DDX42: variants seen among roughly 807,000 people sequenced by gnomAD.
DDX42 encodes ATP-dependent RNA helicase DDX42.
In DDX42, 22 loss-of-function variants were observed where a neutral mutation model predicts 101.5. The observed-to-expected ratio is 0.22, with a 90% CI of 0.15 to 0.31. The LOEUF is 0.31. Ranked by LOEUF, DDX42 falls within the 10% of genes least tolerant of loss-of-function variation. DDX42 has a pLI of 1.00. For synonymous variants in DDX42, 402 were observed against 401.2 expected, an observed-to-expected ratio of 1.00 and a Z score of -0.02; for missense variants, 849 against 1,199.9, an observed-to-expected ratio of 0.71 and a Z score of 4.32.
chr17:63,785,216 C>A (rs1567730314), intron 1 of DDX42, among the ~76,000 whole-genome samples: 1 of 151,560 alleles, frequency 6.6e-6, no homozygotes, highest in Non-Finnish European at 1.5e-5. Context: ...TGCCTGTAAT[C>A]CCAGCACTTT....
In DDX42 at chr17:63,800,427, A is replaced by G. The variant is rs150394236; in HGVS notation, c.472-41A>G. 1.1e-3 allele frequency: 1,759 copies of G among 1,595,062 alleles called. 2 individuals carry two copies. Among genetic ancestry groups the G allele is most frequent in the Non-Finnish European group, 1.4e-3 (1,661 of 1,169,316 alleles). ...AATTACAGGAGCAGAAACATTCTCA[A>G]TTGTACTTGGGTGTGATTATGTTCT... On this transcript the variant is annotated intron_variant, in intron 5 of 17. Transcript: ENST00000389924.
chr17:63,774,473 C>T lies in DDX42; in HGVS notation c.-17+97C>T, dbSNP rs983493657. 35 of 195,920 alleles carry T rather than the reference C, an allele frequency of 1.8e-4. 2 individuals are homozygous for T. The highest frequency in any genetic ancestry group is 2.9e-4 in the Non-Finnish European group (28 of 96,606). 12.1% of individuals were successfully genotyped at this position (195,920 alleles called of 1,614,324 possible). A position where few individuals can be genotyped will look rare whatever the true frequency, so the allele number is the denominator to read the frequency against. On this transcript the variant is annotated intron_variant, in intron 1 of 17. Coordinates refer to ENST00000389924, the MANE Select transcript of DDX42 (RefSeq NM_203499.3). ...CGAGGGCGGAGGAACCGCGGCCTCGCTTAACAAAGAGTCGGCAGAGCCTCG... is the reference window on the plus strand; with the variant it reads ...CGAGGGCGGAGGAACCGCGGCCTCGTTTAACAAAGAGTCGGCAGAGCCTCG...
intron 6 of DDX42, 44 bp from the exon 7 acceptor site, chr17:63,805,027 T>G (rs1407424456): frequency 8.9e-6 from 14 of 1,564,788 alleles, no homozygotes; most frequent in Non-Finnish European, 1.2e-5. Flanking sequence ...CTTACAGAAT[T>G]GACTCTTGAA....
In DDX42 at chr17:63,808,911, C is replaced by G. The variant is rs774201761; in HGVS notation, c.1115C>G (p.Ala372Gly). 6.2e-7 allele frequency: 1 copy of G among 1,613,990 alleles called. No homozygotes were observed. The highest frequency in any genetic ancestry group is 1.1e-5 in the South Asian group (1 of 91,074). Residue 372 changes from alanine to glycine, a missense_variant, in exon 10 of 18, where the codon GCC (alanine) becomes GGC (glycine). By Grantham distance (60) the Ala-to-Gly change is moderately conservative. This residue lies in a region of DDX42 where 370 missense variants were observed against 608.8 expected (regional missense o/e 0.61). Transcript: ENST00000389924. ...GGGSMWEQAK[A>G]LQEGAEIVVC... ...GGGAGTATGTGGGAGCAGGCCAAGG[C>G]CCTTCAGGAGGGGGCAGAGATTGTT...
At chr17:63,811,780 GT>G (rs2039913177) in intron 13 of DDX42, 151 bp from the exon 14 acceptor site, 1 of 959,366 alleles carries the variant, frequency 1.0e-6, no homozygotes, top group Admixed American at 2.1e-5. Flanking sequence ...GGAGAGGTGA[GT>G]TTTGAGCTGC....
At chr17:63,788,787 C>T (rs1286753336) in intron 2 of DDX42, among the ~76,000 whole-genome samples, 1 of 152,160 alleles carries the variant, frequency 6.6e-6, no homozygotes, top group African/African-American at 2.4e-5. Context: ...GTTCTAATTT[C>T]TATACAAAAT....
rs773748351 is a variant in DDX42 at position 63,815,680 on chromosome 17, C to CTA, written c.2013+8_2013+9dup. 66 of 1,589,336 alleles carry CTA rather than the reference C, an allele frequency of 4.2e-5. No individual in the cohort carries two copies. Among genetic ancestry groups the CTA allele is most frequent in the Non-Finnish European group, 5.3e-5 (62 of 1,159,258 alleles). On this transcript the variant is annotated splice_region_variant and intron_variant, in intron 16 of 17. Transcript: ENST00000389924. ...CCTGGGCTCTGAGAACATGGTGAGT[C>CTA]TAGACTACTACAGTAGTGCCTTTAT...
chr17:63,814,082 C>T (rs1401036744), intron 15 of DDX42, among the ~76,000 whole-genome samples: 1 of 152,110 alleles, frequency 6.6e-6, no homozygotes, highest in Non-Finnish European at 1.5e-5. Context: ...TCAGGTGATC[C>T]GCCCGCCTCG....
At chr17:63,800,364 A>T (rs2039747697) in intron 5 of DDX42, 104 bp from the exon 6 acceptor site, 1 of 1,044,948 alleles carries the variant, frequency 9.6e-7, no homozygotes, top group Admixed American at 2.4e-5. Context: ...CTTGGTAGGT[A>T]TGTTAACTGT....
Position 63,787,015 on chromosome 17 carries a change from T to C in DDX42, c.-16-19T>C, listed in dbSNP as rs71377709. ...CTTTTTTAAGTTTAATTTATATTTG[T>C]GTATCTTATTCCTAACAGGTCAGTC... On this transcript the variant is annotated intron_variant, in intron 1 of 17. Transcript: ENST00000389924. 1 of 1,610,966 alleles carries C rather than the reference T, an allele frequency of 6.2e-7. No individual in the cohort carries two copies. The highest frequency in any genetic ancestry group is 1.1e-5 in the South Asian group (1 of 90,796).
At chr17:63,784,278 T>C (rs1239657981) in intron 1 of DDX42, among the ~76,000 whole-genome samples, 1 of 152,194 alleles carries the variant, frequency 6.6e-6, no homozygotes, top group Non-Finnish European at 1.5e-5. Flanking sequence ...AAAATTAAAG[T>C]AAACATTTTA....
chr17:63,787,907 T>G (rs987818282), intron 2 of DDX42, among the ~76,000 whole-genome samples: 2 of 120,758 alleles, frequency 1.7e-5, no homozygotes, highest in African/African-American at 8.4e-5. Context: ...TTCATGTGGT[T>G]TTTTTTTTTT....
chr17:63,790,463 A>G (rs773071426), intron 2 of DDX42, among the ~76,000 whole-genome samples: 38 of 152,020 alleles, frequency 2.5e-4, no homozygotes, highest in Non-Finnish European at 5.3e-4. Context: ...CGTCTCTACT[A>G]AAAATACAAA....
rs758524659 is a variant in DDX42 at position 63,815,655 on chromosome 17, C to G, written c.1995C>G (p.Gly665=). ...GCCTAGGCTACAGGGAGCGGCCTGG[C>G]CTGGGCTCTGAGAACATGGTGAGTC... The part of the protein sequence containing the change: ...GGGLGYRERP[G]LGSENMDRGN... The change falls in exon 16 of 18, where the codon GGC becomes GGG. Residue 665 remains glycine, a synonymous_variant. Transcript: ENST00000389924. 3 of 1,613,560 alleles carry G rather than the reference C, an allele frequency of 1.9e-6. No homozygotes were observed. The highest frequency in any genetic ancestry group is 8.5e-7 in the Non-Finnish European group (1 of 1,179,632).
chr17:63,808,013 C>T lies in DDX42; in HGVS notation c.1023+113C>T, dbSNP rs111578849. On this transcript the variant is annotated intron_variant, in intron 9 of 17. Transcript: ENST00000389924. ...TTTTTTTTAATTGTGATAAGATACA[C>T]ACAAAATTGATTATCTTAACCATTT... The T allele has an allele frequency of 2.9e-5, 28 of 955,822 alleles. No homozygotes were observed. In the Admixed American group the frequency reaches 8.0e-4, roughly 27 times the overall value. 59.2% of individuals were successfully genotyped at this position (955,822 alleles called of 1,614,324 possible).
intron 1 of DDX42, among the ~76,000 whole-genome samples, chr17:63,781,642 ATCCCTG>A (rs1322828965): frequency 6.6e-6 from 1 of 150,896 alleles, no homozygotes; most frequent in East Asian, 1.9e-4. Flanking sequence ...CCCTTCCCCA[ATCCCTG>A]TTCCATCTGA....
chr17:63,797,615 G>T (rs2039709630), intron 3 of DDX42, among the ~76,000 whole-genome samples: 1 of 152,210 alleles, frequency 6.6e-6, no homozygotes, highest in Non-Finnish European at 1.5e-5. Flanking sequence ...GACATTGCCA[G>T]ATGTTGCCTA....
rs186958421 is a variant in DDX42, at chr17:63,780,984, G to A, written c.-16-6050G>A. Among the ~76,000 whole-genome samples the A allele has an allele frequency of 4.6e-5, 7 of 152,074 alleles. No homozygotes were observed. The East Asian group carries it at 1.2e-3, about 25-fold the overall frequency. On this transcript the variant is annotated intron_variant, in intron 1 of 17. Coordinates refer to ENST00000389924, the MANE Select transcript of DDX42 (RefSeq NM_203499.3). ...AGACTTTACTGGTTTTTCCCCTTTA[G>A]CATATAAACATGCCTATGTTTCTTT...
At chr17:63,808,075 G>C (rs2039864228) in intron 9 of DDX42, among the ~76,000 whole-genome samples, 175 bp downstream of exon 9, 1 of 152,160 alleles carries the variant, frequency 6.6e-6, no homozygotes, top group African/African-American at 2.4e-5. Flanking sequence ...TATATTCACA[G>C]TGTTGTGCTA....
Sources: gnomAD v4.1 joint callset for allele counts (sites outside exome capture counted in the v4.1 genomes callset) on GRCh38, gnomAD v4.1.1 for gene constraint, gnomAD v4.1.1 regional missense constraint, MANE v1.5 for transcripts, NCBI Gene and HGNC (gene_info 2026-07-23, HGNC 2026-07-21) for gene names.